The following CRYBG2 variants were observed in gnomAD, a reference collection of about 807,000 sequenced individuals.
CRYBG2 encodes beta/gamma crystallin domain-containing protein 2.
CRYBG2 carries 106 observed loss-of-function variants against 153.4 expected under a neutral mutation model. The ratio of observed to expected loss-of-function variants is 0.69; its 90% CI spans 0.59 to 0.81. The LOEUF (loss-of-function observed/expected upper bound fraction) is 0.81. Among genes scored for constraint, CRYBG2 ranks in the 30% least tolerant of loss-of-function variants. CRYBG2 has a pLI of 0.00. For missense variants in CRYBG2, 1,996 were observed against 2,112.0 expected (o/e 0.95, Z 1.08); for synonymous variants, 851 against 877.8 (o/e 0.97, Z 0.54).
chr1:26,337,023 G>A (rs1163799299), intron 10 of CRYBG2, 43 bp from the exon 11 acceptor site: 4 of 1,608,392 alleles, frequency 2.5e-6, no homozygotes, highest in Admixed American at 1.7e-5. Context: ...CCCACAAACC[G>A]AAACCCCTGG....
chr1:26,353,772 A>C (rs4454539), intron 1 of CRYBG2, among the ~76,000 whole-genome samples: 60,688 of 151,982 alleles, frequency 0.4, 13,609 homozygotes, highest in East Asian at 0.82. Context: ...TGAAGAAGGC[A>C]ACCCCCCTTC....
At chr1:26,332,583 T>C (rs1409775465) in intron 14 of CRYBG2, among the ~76,000 whole-genome samples, 1 of 152,106 alleles carries the variant, frequency 6.6e-6, no homozygotes, top group East Asian at 1.9e-4. Context: ...CTCAGCTCAC[T>C]GTAACCTCCG....
At chr1:26,350,706 A>AC (rs1041654309) in intron 1 of CRYBG2, among the ~76,000 whole-genome samples, 7 of 151,600 alleles carry the variant, frequency 4.6e-5, no homozygotes, top group African/African-American at 1.7e-4. Context: ...GGGCGTCTCC[A>AC]CCCCCACTCC....
intron 1 of CRYBG2, among the ~76,000 whole-genome samples, chr1:26,347,629 A>G (rs1216151767): frequency 6.6e-6 from 1 of 151,938 alleles, no homozygotes; most frequent in Non-Finnish European, 1.5e-5. Flanking sequence ...AGCTGGGACT[A>G]CAGGTGCCCT....
At chr1:26,339,251 A>T in intron 6 of CRYBG2, 39 bp downstream of exon 6, 1 of 1,595,290 alleles carries the variant, frequency 6.3e-7, no homozygotes, top group Non-Finnish European at 8.5e-7. Flanking sequence ...CAGCACAGTG[A>T]ATGTCAAATG....
chr1:26,353,921 C>G (rs757316046), intron 1 of CRYBG2, 115 bp downstream of exon 1: 2 of 398,584 alleles, frequency 5.0e-6, no homozygotes, highest in Admixed American at 4.4e-5. Context: ...AAGGCAGAGT[C>G]GGCTCAGGGT....
intron 5 of CRYBG2, among the ~76,000 whole-genome samples, chr1:26,341,668 G>A (rs2074131966): frequency 6.6e-6 from 1 of 152,044 alleles, no homozygotes; most frequent in African/African-American, 2.4e-5. Flanking sequence ...TGTATTTTTA[G>A]TAGAGACAGG....
chr1:26,322,302 G>C lies in CRYBG2; in HGVS notation c.4759C>G (p.Gln1587Glu), dbSNP rs1274934762. The C allele has an allele frequency of 1.2e-6, 2 of 1,612,764 alleles. No homozygotes were observed. The highest frequency in any genetic ancestry group is 2.7e-5 in the African/African-American group (2 of 74,930). The stretch of plus-strand genomic sequence containing the variant: ...CCTGGGCTAGGGGGTCCAATCACCT[G>C]TAGGCTCATGGTGGGGGCCATCTGA... Reference protein sequence around the residue: ...KNQMAPTMSLQVIGPPSPGSK... With the variant: ...KNQMAPTMSLEVIGPPSPGSK... The change falls in exon 19 of 20, where the codon CAG becomes GAG. Residue 1587 changes from glutamine to glutamate, a missense_variant. Coordinates refer to ENST00000308182, the MANE Select transcript of CRYBG2 (RefSeq NM_001039775.4).
chr1:26,330,004 G>A (rs889471257), intron 15 of CRYBG2, among the ~76,000 whole-genome samples: 1 of 152,178 alleles, frequency 6.6e-6, no homozygotes, highest in Admixed American at 6.5e-5. Flanking sequence ...CAAAGTGCTG[G>A]AACTACAGGC....
At chr1:26,327,048 C>G (rs1037920898) in intron 17 of CRYBG2, 8 of 469,954 alleles carry the variant, frequency 1.7e-5, no homozygotes, top group Admixed American at 8.9e-5. Context: ...AAAAACTGGG[C>G]TGGGGCTGGG....
At position 26,337,134 on chromosome 1, in the gene CRYBG2, TG is replaced by T. The variant is rs2074070626; in HGVS notation, c.3771+118del. On this transcript the variant is annotated intron_variant, in intron 10 of 19. Transcript: ENST00000308182. ...AGCAGGGGAAGAGAGGCTAGACCTC[TG>T]GGAACACTTACAGGGAGAACACGGA... 7 of 1,557,430 alleles carry T rather than the reference TG, an allele frequency of 4.5e-6. No homozygotes were observed. In the South Asian group the frequency reaches 8.5e-5, roughly 19 times the overall value.
At position 26,346,619 on chromosome 1, in the gene CRYBG2, G is replaced by A; in HGVS notation, c.39C>T (p.Ala13=). Residue 13 remains alanine, a synonymous_variant, in exon 2 of 20, where the codon GCC becomes GCT. Coordinates refer to ENST00000308182, the MANE Select transcript of CRYBG2 (RefSeq NM_001039775.4). This position sits in a 1 kb window ranked among gnomAD's most constrained non-coding sequence, Gnocchi z 4.9. Reference sequence around the variant, plus strand: ...ATGTCAATGTGGCACTTACCACTCGGGCCTTGGCCCGGGCCATGGGCCCAC... The same window carrying A: ...ATGTCAATGTGGCACTTACCACTCGAGCCTTGGCCCGGGCCATGGGCCCAC... ...EAGGPMARAK[A]RVVSATLTWR... 1 of 1,569,330 alleles carries A rather than the reference G, an allele frequency of 6.4e-7. No homozygotes were observed. Among genetic ancestry groups the A allele is most frequent in the Non-Finnish European group, 8.6e-7 (1 of 1,156,696 alleles).
Position 26,346,225 on chromosome 1 carries a change from C to A in CRYBG2, c.433G>T (p.Val145Phe), listed in dbSNP as rs1400830372. 1 of 1,573,990 alleles carries A rather than the reference C, an allele frequency of 6.4e-7. No individual in the cohort carries two copies. The highest frequency in any genetic ancestry group is 1.7e-5 in the Admixed American group (1 of 57,188). Residue 145 changes from valine (V) to phenylalanine (F), a missense_variant, in exon 2 of 20, where the codon GTT (valine) becomes TTT (phenylalanine). Physicochemically the swap from Val to Phe is conservative, Grantham distance 50 (BLOSUM62 -1). Transcript: ENST00000308182. The surrounding 1 kb of genome is among the most constrained non-coding windows in gnomAD (Gnocchi z 4.9). ...GGCTCTCGGGGCCCAGGCAGGGGAA[C>A]CAAAAGCTCAGTCCTGGCCATAGCT... is the stretch of plus-strand genomic sequence containing the variant. Reference protein sequence around the residue: ...VGAMARTELLVPLPGPREPSP... With the variant: ...VGAMARTELLFPLPGPREPSP...
chr1:26,331,455 C>T, intron 15 of CRYBG2, 34 bp downstream of exon 15: 2 of 1,596,542 alleles, frequency 1.3e-6, no homozygotes, highest in Non-Finnish European at 1.7e-6. Flanking sequence ...ACTTCTGCTT[C>T]CGGGATTGCC....
chr1:26,352,351 A>T (rs1386322206), intron 1 of CRYBG2, among the ~76,000 whole-genome samples: 1 of 152,152 alleles, frequency 6.6e-6, no homozygotes, highest in African/African-American at 2.4e-5. Context: ...GAGCCACAAC[A>T]GACACACAAA....
intron 18 of CRYBG2, among the ~76,000 whole-genome samples, chr1:26,323,316 A>G (rs2073882706): frequency 6.6e-6 from 1 of 152,050 alleles, no homozygotes; most frequent in Non-Finnish European, 1.5e-5. Context: ...CCTGAGCTCA[A>G]GAGATCCTCC....
rs142203406 is a variant in CRYBG2, at chr1:26,324,154, G to A, written c.4735C>T (p.Gln1579Ter). The A allele has an allele frequency of 6.2e-7, 1 of 1,613,136 alleles. No individual in the cohort carries two copies. Among genetic ancestry groups the A allele is most frequent in the South Asian group, 1.1e-5 (1 of 90,994 alleles). ...WYYEDGLLKN[Q>*]MAPTMSLQVI... The stretch of plus-strand genomic sequence containing the variant: ...TGTGCCAGCCCCTGTATCAGTACCT[G>A]GTTCTTCAGCAGCCCATCCTCGTAG... Residue 1579 changes from glutamine to a stop codon, truncating the protein, a stop_gained and splice_region_variant, in exon 18 of 20, where the codon CAG (glutamine) becomes TAG (stop). Coordinates refer to ENST00000308182, the MANE Select transcript of CRYBG2 (RefSeq NM_001039775.4). LOFTEE classifies it high-confidence loss of function.
chr1:26,331,619 C>A lies in CRYBG2; in HGVS notation c.4185-1G>T. Reference sequence around the variant, plus strand: ...GTTCGTCTCATCAAACAGGATCCAGCTAGGGAAGGGGAAGAAATGGAGGGT... The same window carrying A: ...GTTCGTCTCATCAAACAGGATCCAGATAGGGAAGGGGAAGAAATGGAGGGT... On this transcript the variant is annotated splice_acceptor_variant, in intron 14 of 19. Coordinates refer to ENST00000308182, the MANE Select transcript of CRYBG2 (RefSeq NM_001039775.4). LOFTEE classifies it high-confidence loss of function. 1 of 1,613,680 alleles carries A rather than the reference C, an allele frequency of 6.2e-7. No homozygotes were observed. Among genetic ancestry groups the A allele is most frequent in the South Asian group, 1.1e-5 (1 of 91,080 alleles).
At chr1:26,348,107 T>C (rs1043922775) in intron 1 of CRYBG2, among the ~76,000 whole-genome samples, 1 of 152,244 alleles carries the variant, frequency 6.6e-6, no homozygotes, top group African/African-American at 2.4e-5. Context: ...AATGCTCGCC[T>C]TATAACCTAA....
Sources: allele counts gnomAD v4.1 joint callset (sites outside exome capture counted in the v4.1 genomes callset), GRCh38; gene constraint gnomAD v4.1.1; non-coding constraint Gnocchi (gnomAD v3.1); transcripts MANE v1.5; gene names NCBI Gene and HGNC (gene_info 2026-07-23, HGNC 2026-07-21).